The following INTS9 variants were observed in gnomAD, a reference collection of about 807,000 sequenced individuals.
The protein encoded by INTS9 is integrator complex subunit 9, also known as protein related to CPSF subunits of 74 kDa.
In INTS9, 55 loss-of-function variants were observed where a neutral mutation model predicts 79.7. That is an observed-to-expected ratio of 0.69 (90% confidence interval 0.56 to 0.86). The LOEUF is 0.86. Ranked by LOEUF, INTS9 falls within the 40% of genes least tolerant of loss-of-function variation. The pLI, the probability that INTS9 is intolerant of heterozygous loss-of-function variation, is 0.00. For synonymous variants in INTS9, 319 were observed against 325.2 expected (o/e 0.98, Z 0.20); for missense variants, 721 against 831.5 (o/e 0.87, Z 1.64).
chr8:28,859,436 C>T lies in INTS9; in HGVS notation c.137G>A (p.Ser46Asn). 2 of 1,614,008 alleles carry T rather than the reference C, an allele frequency of 1.2e-6. No individual in the cohort carries two copies. Among genetic ancestry groups the T allele is most frequent in the Non-Finnish European group, 1.7e-6 (2 of 1,179,938 alleles). ...LNFLPLPLVQ[S>N]PRLSNLPGWS... The stretch of plus-strand genomic sequence containing the variant: ...TGTCTTTGGCTGCACCAGCACATAC[C>T]TTTGAACAAGTGGCAAAGGAAGGAA... The change falls in exon 2 of 17, where the codon AGT becomes AAT. Residue 46 changes from serine (S) to asparagine (N), a missense_variant and splice_region_variant. By Grantham distance (46) the Ser-to-Asn change is conservative (BLOSUM62 1). This residue lies in a region of INTS9 where 291 missense variants were observed against 307.0 expected (regional missense o/e 0.95). Coordinates refer to ENST00000521022, the MANE Select transcript of INTS9 (RefSeq NM_018250.4).
At chr8:28,783,142 CAA>C (rs559306996) in intron 11 of INTS9, among the ~76,000 whole-genome samples, 33 of 111,686 alleles carry the variant, frequency 3.0e-4, no homozygotes, top group East Asian at 2.8e-3. Flanking sequence ...GACTCCGTCT[CAA>C]AAAAAAAAAA....
chr8:28,837,594 C>T, intron 5 of INTS9, 43 bp downstream of exon 5: 1 of 1,594,914 alleles, frequency 6.3e-7, no homozygotes, highest in Non-Finnish European at 8.6e-7. Context: ...GAGGGAGGAG[C>T]TCCGCAGTCA....
At chr8:28,810,137 G>C (rs1805026267) in intron 8 of INTS9, 1 of 152,324 alleles carries the variant, frequency 6.6e-6, no homozygotes, top group Admixed American at 6.5e-5. Context: ...TGGACTTTGT[G>C]TAAGAAGCAT....
chr8:28,812,999 T>C (rs1805241018), intron 7 of INTS9, among the ~76,000 whole-genome samples: 1 of 152,158 alleles, frequency 6.6e-6, no homozygotes, highest in East Asian at 1.9e-4. Flanking sequence ...GCACTCAAGG[T>C]TCACACATTA....
At chr8:28,833,666 G>A (rs1276656532) in intron 6 of INTS9, among the ~76,000 whole-genome samples, 3 of 143,714 alleles carry the variant, frequency 2.1e-5, no homozygotes, top group African/African-American at 2.6e-5. Context: ...AAAAACAAAA[G>A]AAAAAGAAAA....
intron 1 of INTS9, among the ~76,000 whole-genome samples, chr8:28,868,417 C>T (rs563116960): frequency 6.6e-6 from 1 of 152,082 alleles, no homozygotes; most frequent in Non-Finnish European, 1.5e-5. Flanking sequence ...TCTTTACTCT[C>T]GCTTGAGAGA....
chr8:28,833,995 C>T (rs1334075001), intron 6 of INTS9, among the ~76,000 whole-genome samples: 1 of 152,208 alleles, frequency 6.6e-6, no homozygotes, highest in Admixed American at 6.5e-5. Context: ...GGCCTTATCT[C>T]CATTTTACTT....
At chr8:28,857,083 T>C (rs1342245183) in intron 2 of INTS9, among the ~76,000 whole-genome samples, 2 of 152,192 alleles carry the variant, frequency 1.3e-5, no homozygotes, top group Non-Finnish European at 2.9e-5. Flanking sequence ...TAGTATTCCA[T>C]GGTGTATATG....
At chr8:28,864,807 G>C (rs192272808) in intron 1 of INTS9, among the ~76,000 whole-genome samples, 12 of 152,094 alleles carry the variant, frequency 7.9e-5, no homozygotes, top group Non-Finnish European at 1.5e-4. Context: ...AACATTTTGG[G>C]AGGCTGAGGC....
intron 14 of INTS9, among the ~76,000 whole-genome samples, chr8:28,773,141 A>G (rs933267072): frequency 5.3e-5 from 8 of 152,250 alleles, no homozygotes; most frequent in Admixed American, 5.2e-4. Flanking sequence ...AGTGTTATTT[A>G]TAACACAGAA....
At chr8:28,808,831 T>G (rs1392865435) in intron 8 of INTS9, among the ~76,000 whole-genome samples, 2 of 152,242 alleles carry the variant, frequency 1.3e-5, no homozygotes, top group African/African-American at 2.4e-5. Context: ...TATTTCCCCA[T>G]GTTTATCAGA....
chr8:28,859,718 G>C (rs1371312163), intron 1 of INTS9, 155 bp from the exon 2 acceptor site: 15 of 799,644 alleles, frequency 1.9e-5, no homozygotes, highest in Non-Finnish European at 2.9e-5. Context: ...ACTGCTTGGG[G>C]ACTACTTTCC....
chr8:28,771,314 C>T (rs1802526209), intron 14 of INTS9: 1 of 545,898 alleles, frequency 1.8e-6, no homozygotes, highest in East Asian at 3.5e-5. Flanking sequence ...TGACCAGTGG[C>T]AGGAAGGACG....
At chr8:28,854,093 TCACAGTCCAC>T (rs1808008676) in intron 2 of INTS9, among the ~76,000 whole-genome samples, 1 of 151,872 alleles carries the variant, frequency 6.6e-6, no homozygotes, top group Non-Finnish European at 1.5e-5. Context: ...ACTTGTGTGA[TCACAGTCCAC>T]CACAGACTCG....
At chr8:28,808,949 T>A (rs1219170345) in intron 8 of INTS9, among the ~76,000 whole-genome samples, 1 of 144,150 alleles carries the variant, frequency 6.9e-6, no homozygotes, top group Non-Finnish European at 1.5e-5. Context: ...TCTGCCATTA[T>A]AACTTTTTTT....
At chr8:28,808,952 C>CTTT (rs10712912) in intron 8 of INTS9, among the ~76,000 whole-genome samples, 17 of 144,776 alleles carry the variant, frequency 1.2e-4, no homozygotes, top group African/African-American at 3.5e-4. Context: ...GCCATTATAA[C>CTTT]TTTTTTTTTT....
chr8:28,886,164 C>T (rs1177185331), intron 1 of INTS9, among the ~76,000 whole-genome samples: 1 of 152,126 alleles, frequency 6.6e-6, no homozygotes, highest in Non-Finnish European at 1.5e-5. Flanking sequence ...AATTAGTATG[C>T]TCTGATATGG....
intron 11 of INTS9, among the ~76,000 whole-genome samples, chr8:28,783,142 CAAAAAAAAAA>C (rs559306996): frequency 2.9e-4 from 32 of 111,714 alleles, no homozygotes; most frequent in Middle Eastern, 4.1e-3. Context: ...GACTCCGTCT[CAAAAAAAAAA>C]AAAAAAAAAA....
intron 11 of INTS9, 32 bp from the exon 12 acceptor site, chr8:28,781,026 T>G (rs372899805): frequency 7.6e-6 from 12 of 1,582,724 alleles, no homozygotes; most frequent in African/African-American, 6.7e-5. Context: ...CAAAGAAATG[T>G]GAGCCTGCCC....
Sources: gnomAD v4.1 joint callset for allele counts (sites outside exome capture counted in the v4.1 genomes callset) on GRCh38, gnomAD v4.1.1 for gene constraint, gnomAD v4.1.1 regional missense constraint, MANE v1.5 for transcripts, NCBI Gene and HGNC (gene_info 2026-07-23, HGNC 2026-07-21) for gene names.